UNC13C: variants seen among roughly 807,000 people sequenced by gnomAD.
UNC13C encodes the protein unc-13 homolog C, also known as protein unc-13 homolog C.
UNC13C carries 174 observed loss-of-function variants against 245.4 expected under a neutral mutation model. The ratio of observed to expected loss-of-function variants is 0.71; its 90% CI spans 0.63 to 0.80. The LOEUF (loss-of-function observed/expected upper bound fraction) is 0.80. UNC13C is among the 30% of genes least tolerant of loss of function. The pLI is 0.00. For synonymous variants in UNC13C, 992 were observed against 895.1 expected, an observed-to-expected ratio of 1.11 and a Z score of -1.93; for missense variants, 2,829 against 2,602.9, an observed-to-expected ratio of 1.09 and a Z score of -1.89.
chr15:54,090,330 G>C, intron 2 of UNC13C, among the ~76,000 whole-genome samples: 1 of 151,854 alleles, frequency 6.6e-6, no homozygotes. Flanking sequence ...AAAGGCTTAA[G>C]GATGAAGGGA....
intron 26 of UNC13C, among the ~76,000 whole-genome samples, chr15:54,537,826 C>T (rs1341421721): frequency 6.6e-6 from 1 of 151,852 alleles, no homozygotes; most frequent in Non-Finnish European, 1.5e-5. Flanking sequence ...TCACTGTATA[C>T]AAAAATCAAC....
At chr15:53,857,076 G>A in the UNC13C span, among the ~76,000 whole-genome samples, 8 of 152,148 alleles carry the variant, frequency 5.3e-5, no homozygotes, top group South Asian at 4.1e-4. Context: ...GATTAGAGGC[G>A]TGAACCACCG....
chr15:54,479,746 G>T (rs538230943), intron 19 of UNC13C, among the ~76,000 whole-genome samples: 3 of 151,690 alleles, frequency 2.0e-5, no homozygotes, highest in Non-Finnish European at 4.4e-5. Context: ...CACTCTACTA[G>T]TAAATTTTAT....
the UNC13C span, among the ~76,000 whole-genome samples, chr15:53,872,392 T>C: frequency 6.6e-5 from 10 of 151,788 alleles, no homozygotes; most frequent in Admixed American, 1.3e-4. Context: ...AATGAGGGAG[T>C]AGTGGCCAAT....
intron 2 of UNC13C, chr15:54,050,392 G>A (rs548141987): frequency 3.0e-5 from 17 of 558,132 alleles, no homozygotes; most frequent in African/African-American, 2.7e-4. Context: ...TACTTGATAA[G>A]TATATTTTCT....
At chr15:53,992,841 A>G (rs926342741) in intron 1 of UNC13C, among the ~76,000 whole-genome samples, 1 of 152,094 alleles carries the variant, frequency 6.6e-6, no homozygotes, top group African/African-American at 2.4e-5. Context: ...TCTGTACTGC[A>G]TCAAGAGGCC....
intron 19 of UNC13C, among the ~76,000 whole-genome samples, chr15:54,489,266 A>G (rs889107600): frequency 2.0e-5 from 3 of 152,218 alleles, no homozygotes; most frequent in African/African-American, 7.2e-5. Flanking sequence ...TGAAACAAGG[A>G]TGACAGGAAG....
At position 54,012,459 on chromosome 15, in the gene UNC13C, T is replaced by G. The variant is rs115350301; in HGVS notation, c.-256-189T>G. On this transcript the variant is annotated intron_variant, in intron 1 of 32. Transcript: ENST00000260323. ...GATTTATCAAAAAACATTATAAACATAGTTATTGGTAGTGATTTGCTTTCA... is the reference window on the plus strand; with the variant it reads ...GATTTATCAAAAAACATTATAAACAGAGTTATTGGTAGTGATTTGCTTTCA... 4.1e-3 allele frequency among the ~76,000 whole-genome samples: 625 copies of G among 152,306 alleles called. 5 individuals carry two copies. The highest frequency in any genetic ancestry group is 0.015 in the African/African-American group (611 of 41,586).
chr15:54,154,403 C>T (rs117132972), intron 4 of UNC13C, among the ~76,000 whole-genome samples: 2,151 of 151,944 alleles, frequency 0.014, 22 homozygotes, highest in South Asian at 0.031. Flanking sequence ...GTGACATATA[C>T]CTGGGAAAAT....
At chr15:53,998,636 C>T (rs1894743555) in intron 1 of UNC13C, among the ~76,000 whole-genome samples, 1 of 152,008 alleles carries the variant, frequency 6.6e-6, no homozygotes, top group African/African-American at 2.4e-5. Flanking sequence ...TATCTAAATC[C>T]TCCAATTCAA....
the UNC13C span, among the ~76,000 whole-genome samples, chr15:53,886,867 T>C: frequency 3.9e-5 from 6 of 152,128 alleles, no homozygotes; most frequent in Non-Finnish European, 8.8e-5. Flanking sequence ...AGTCTAATCA[T>C]GATGAAAACA....
intron 19 of UNC13C, among the ~76,000 whole-genome samples, 184 bp from the exon 20 acceptor site, chr15:54,494,424 T>C (rs1310639985): frequency 1.3e-5 from 2 of 152,066 alleles, no homozygotes. Flanking sequence ...CTATTCTATG[T>C]GGGACTTATA....
chr15:53,874,026 G>C, the UNC13C span, among the ~76,000 whole-genome samples: 1 of 150,612 alleles, frequency 6.6e-6, no homozygotes, highest in African/African-American at 2.4e-5. Context: ...GCTCAGGCTG[G>C]AGTGCAGTGA....
Position 54,582,640 on chromosome 15 carries a change from G to A in UNC13C, c.6106+14693G>A, listed in dbSNP as rs16974864. Among the ~76,000 whole-genome samples, 1,164 of 152,168 alleles carry A rather than the reference G, an allele frequency of 7.6e-3. 16 individuals are homozygous for A. Among genetic ancestry groups the A allele is most frequent in the African/African-American group, 0.027 (1,108 of 41,486 alleles). On this transcript the variant is annotated intron_variant, in intron 30 of 32. Coordinates refer to ENST00000260323, the MANE Select transcript of UNC13C (RefSeq NM_001080534.3). ...ATTTTTGCTGGTTAGCTCCTCAAAA[G>A]GCCTCTCAGTCTGAGCTCTGCAGAA...
At chr15:54,515,701 C>T (rs1459925906) in intron 24 of UNC13C, among the ~76,000 whole-genome samples, 2 of 152,120 alleles carry the variant, frequency 1.3e-5, no homozygotes, top group Non-Finnish European at 2.9e-5. Flanking sequence ...TATCCATAAG[C>T]CCACTAACTG....
intron 18 of UNC13C, among the ~76,000 whole-genome samples, chr15:54,398,526 CATTTT>C (rs1401210303): frequency 6.6e-6 from 1 of 151,208 alleles, no homozygotes; most frequent in Non-Finnish European, 1.5e-5. Context: ...TAAAATTTGA[CATTTT>C]CTTTTCTGAA....
At chr15:54,152,544 C>T (rs1199967089) in intron 4 of UNC13C, among the ~76,000 whole-genome samples, 1 of 152,104 alleles carries the variant, frequency 6.6e-6, no homozygotes, top group African/African-American at 2.4e-5. Context: ...CTTCTAATGC[C>T]TTCCAGATAT....
At chr15:54,106,038 A>G (rs945430842) in intron 2 of UNC13C, among the ~76,000 whole-genome samples, 5 of 152,320 alleles carry the variant, frequency 3.3e-5, no homozygotes, top group South Asian at 2.1e-4. Context: ...AGTGACTCCA[A>G]TGAGTGCTGG....
intron 4 of UNC13C, among the ~76,000 whole-genome samples, chr15:54,205,426 T>C (rs141986380): frequency 1.3e-5 from 2 of 152,136 alleles, no homozygotes; most frequent in Non-Finnish European, 2.9e-5. Context: ...TCAACTAATA[T>C]CAGGTTCTTA....
Sources: allele counts gnomAD v4.1 joint callset (sites outside exome capture counted in the v4.1 genomes callset), GRCh38; gene constraint gnomAD v4.1.1; transcripts MANE v1.5; gene names NCBI Gene and HGNC (gene_info 2026-07-23, HGNC 2026-07-21).